CTNNA3: variants seen among roughly 807,000 people sequenced by gnomAD.
The protein encoded by CTNNA3 is catenin alpha-3.
Under a neutral mutation model 95.7 loss-of-function variants are expected in CTNNA3, and 76 were observed. The observed-to-expected ratio is 0.79, with a 90% CI of 0.66 to 0.96. CTNNA3 has a LOEUF of 0.96. Among genes scored for constraint, CTNNA3 ranks in the 40% least tolerant of loss-of-function variants. The pLI is 0.00. For synonymous variants in CTNNA3, 431 were observed against 374.4 expected (o/e 1.15, Z -1.74); for missense variants, 1,191 against 1,089.8 (o/e 1.09, Z -1.31).
At chr10:67,560,750 G>A (rs1265818024) in intron 3 of CTNNA3, among the ~76,000 whole-genome samples, 3 of 152,004 alleles carry the variant, frequency 2.0e-5, no homozygotes, top group African/African-American at 4.8e-5. Context: ...CCCATCTCTT[G>A]TGCAGAGACA....
chr10:67,644,135 T>G (rs1419893422), intron 2 of CTNNA3, among the ~76,000 whole-genome samples: 1 of 152,220 alleles, frequency 6.6e-6, no homozygotes, highest in Non-Finnish European at 1.5e-5. Flanking sequence ...GTTGAACTAA[T>G]TTACACTCCC....
At chr10:66,775,564 T>C in intron 7 of CTNNA3, 40 bp from the exon 8 acceptor site, 1 of 1,403,476 alleles carries the variant, frequency 7.1e-7, no homozygotes, top group Non-Finnish European at 9.9e-7. Flanking sequence ...TGGTATCAAT[T>C]AATCTTTATC....
chr10:67,387,290 G>T (rs934169721), intron 5 of CTNNA3, among the ~76,000 whole-genome samples: 2 of 152,154 alleles, frequency 1.3e-5, no homozygotes, highest in African/African-American at 4.8e-5. Context: ...TCAAAGAAAG[G>T]GGTGACGGAC....
At chr10:67,184,728 C>T (rs534936897) in intron 6 of CTNNA3, among the ~76,000 whole-genome samples, 13 of 152,298 alleles carry the variant, frequency 8.5e-5, no homozygotes, top group Admixed American at 6.5e-4. Flanking sequence ...TTCTTTGAGG[C>T]ATTGTCCCTA....
At chr10:66,567,717 T>C (rs1448702346) in intron 10 of CTNNA3, among the ~76,000 whole-genome samples, 2 of 152,162 alleles carry the variant, frequency 1.3e-5, no homozygotes, top group Non-Finnish European at 2.9e-5. Flanking sequence ...CATCCTGCCA[T>C]TTTACTAAGA....
intron 7 of CTNNA3, among the ~76,000 whole-genome samples, chr10:66,796,421 T>G (rs1013639983): frequency 6.6e-6 from 1 of 152,016 alleles, no homozygotes; most frequent in Admixed American, 6.6e-5. Flanking sequence ...CCATCTTATA[T>G]GGGTGCAGTT....
At chr10:67,638,393 C>G (rs1839401838) in intron 2 of CTNNA3, among the ~76,000 whole-genome samples, 1 of 152,214 alleles carries the variant, frequency 6.6e-6, no homozygotes, top group East Asian at 1.9e-4. Flanking sequence ...GACTTAGACT[C>G]CCACACAATA....
At chr10:67,709,798 T>C (rs1373509879) in intron 1 of CTNNA3, among the ~76,000 whole-genome samples, 4 of 152,152 alleles carry the variant, frequency 2.6e-5, no homozygotes, top group African/African-American at 4.8e-5. Context: ...TCACTGGCTA[T>C]AAATTCCCAC....
At chr10:66,908,126 C>T (rs1019994269) in intron 7 of CTNNA3, among the ~76,000 whole-genome samples, 1 of 152,174 alleles carries the variant, frequency 6.6e-6, no homozygotes, top group Non-Finnish European at 1.5e-5. Context: ...ATGCCACATG[C>T]CAGGCTACTT....
chr10:66,675,735 A>G (rs1044255395), intron 9 of CTNNA3, among the ~76,000 whole-genome samples: 3 of 152,134 alleles, frequency 2.0e-5, no homozygotes, highest in Admixed American at 2.0e-4. Flanking sequence ...ATCCAGCCTG[A>G]ATCATTTTTA....
chr10:66,561,523 T>C (rs1158056475), intron 10 of CTNNA3, among the ~76,000 whole-genome samples: 1 of 152,080 alleles, frequency 6.6e-6, no homozygotes, highest in African/African-American at 2.4e-5. Flanking sequence ...AACCAAGTTC[T>C]ATGTAAAGTG....
chr10:66,952,097 T>A (rs1213702103), intron 7 of CTNNA3, among the ~76,000 whole-genome samples: 1 of 152,128 alleles, frequency 6.6e-6, no homozygotes, highest in Non-Finnish European at 1.5e-5. Context: ...GCTGGGTCCA[T>A]TTTCTCCCCC....
intron 5 of CTNNA3, among the ~76,000 whole-genome samples, chr10:67,300,518 C>T (rs1341129118): frequency 3.9e-5 from 6 of 152,212 alleles, no homozygotes; most frequent in African/African-American, 1.4e-4. Flanking sequence ...CTGATCCATT[C>T]TAGCATTTCC....
At chr10:67,236,713 A>C (rs1284752597) in intron 5 of CTNNA3, among the ~76,000 whole-genome samples, 1 of 152,046 alleles carries the variant, frequency 6.6e-6, no homozygotes, top group Non-Finnish European at 1.5e-5. Flanking sequence ...CAAATGGCCA[A>C]CAAACATATG....
At chr10:66,239,877 C>T (rs551011686) in intron 13 of CTNNA3, among the ~76,000 whole-genome samples, 27 of 151,790 alleles carry the variant, frequency 1.8e-4, no homozygotes, top group Non-Finnish European at 2.9e-4. Flanking sequence ...GTTTAAATTC[C>T]TCTGCCCACT....
At chr10:67,067,093 A>G (rs1053655085) in intron 7 of CTNNA3, among the ~76,000 whole-genome samples, 2 of 152,180 alleles carry the variant, frequency 1.3e-5, no homozygotes, top group Non-Finnish European at 2.9e-5. Context: ...TGTGATCTGG[A>G]TATATTTTTC....
intron 5 of CTNNA3, among the ~76,000 whole-genome samples, chr10:67,243,784 T>A (rs950073606): frequency 1.3e-5 from 2 of 152,226 alleles, no homozygotes; most frequent in African/African-American, 4.8e-5. Flanking sequence ...TTACATTCTA[T>A]CACACACAGA....
chr10:66,540,983 G>A, intron 10 of CTNNA3, among the ~76,000 whole-genome samples: 1 of 152,004 alleles, frequency 6.6e-6, no homozygotes, highest in South Asian at 2.1e-4. Flanking sequence ...AAAAGTCAAA[G>A]TATAGCAATC....
At chr10:67,235,279 G>A (rs1865401851) in intron 5 of CTNNA3, among the ~76,000 whole-genome samples, 1 of 151,264 alleles carries the variant, frequency 6.6e-6, no homozygotes, top group Non-Finnish European at 1.5e-5. Flanking sequence ...CAAGGCTACA[G>A]TAACCAAAAC....
Sources: gnomAD v4.1 joint callset for allele counts (sites outside exome capture counted in the v4.1 genomes callset) on GRCh38, gnomAD v4.1.1 for gene constraint, MANE v1.5 for transcripts, NCBI Gene and HGNC (gene_info 2026-07-23, HGNC 2026-07-21) for gene names.